LRRC7: variants seen among roughly 807,000 people sequenced by gnomAD.
The protein encoded by LRRC7 is leucine-rich repeat-containing protein 7.
In LRRC7, 23 loss-of-function variants were observed where a neutral mutation model predicts 175.7. The ratio of observed to expected loss-of-function variants is 0.13; its 90% CI spans 0.09 to 0.19. The LOEUF (loss-of-function observed/expected upper bound fraction) is 0.19. Ranked by LOEUF, LRRC7 falls within the 10% of genes least tolerant of loss-of-function variation. The probability of loss-of-function intolerance (pLI) is 1.00; values close to 1 mark genes in which losing one functional copy is unlikely to be tolerated. For synonymous variants in LRRC7, 685 were observed against 680.9 expected, an observed-to-expected ratio of 1.01 and a Z score of -0.09; for missense variants, 1,354 against 1,904.7, an observed-to-expected ratio of 0.71 and a Z score of 5.38.
chr1:70,040,767 T>C lies in LRRC7; in HGVS notation c.3969+974T>C, dbSNP rs1482114769. 5.3e-5 allele frequency among the ~76,000 whole-genome samples: 8 copies of C among 152,010 alleles called. No individual in the cohort carries two copies. In the East Asian group the frequency reaches 1.6e-3, roughly 29 times the overall value. ...AGGTGGAGGTTGCAGTGAGCTGAGA[T>C]CACACCACTGCCCTCCAGCCTGGGT... On this transcript the variant is annotated intron_variant, in intron 21 of 26. Transcript: ENST00000651989.
intron 25 of LRRC7, among the ~76,000 whole-genome samples, chr1:70,092,993 G>A (rs904185878): frequency 2.0e-5 from 3 of 152,104 alleles, no homozygotes; most frequent in Non-Finnish European, 4.4e-5. Flanking sequence ...TCAAAACAAT[G>A]TTTAGTAGTG....
chr1:69,963,971 T>C (rs1651397747), intron 8 of LRRC7, among the ~76,000 whole-genome samples: 1 of 152,194 alleles, frequency 6.6e-6, no homozygotes, highest in Admixed American at 6.5e-5. Context: ...CTATCTTTAG[T>C]ATCTGATCTC....
intron 1 of LRRC7, among the ~76,000 whole-genome samples, chr1:69,572,033 T>C (rs1645758628): frequency 6.6e-6 from 1 of 152,168 alleles, no homozygotes; most frequent in African/African-American, 2.4e-5. Context: ...ACATTCTTTT[T>C]TGGAGCCATG....
intron 2 of LRRC7, among the ~76,000 whole-genome samples, chr1:69,702,193 G>A (rs933450792): frequency 6.6e-6 from 1 of 152,116 alleles, no homozygotes; most frequent in African/African-American, 2.4e-5. Context: ...CTATCTGCTC[G>A]TGGGTCATCA....
chr1:69,568,752 C>G, intron 1 of LRRC7, 111 bp downstream of exon 1: 2 of 615,472 alleles, frequency 3.2e-6, no homozygotes, highest in South Asian at 2.8e-5. Context: ...GCGGGGGTGG[C>G]AGGGCGGGAG....
chr1:70,134,421 C>T lies in LRRC7; in HGVS notation c.*12534C>T, dbSNP rs1434199477. On this transcript the variant is annotated 3_prime_UTR_variant, in exon 27 of 27. Transcript: ENST00000651989. ...TTACTTCCTCTAAGCTAATTATATCCTCACCCTCACAGCTTAGCCAGCCTC... is the reference window on the plus strand; with the variant it reads ...TTACTTCCTCTAAGCTAATTATATCTTCACCCTCACAGCTTAGCCAGCCTC... Among the ~76,000 whole-genome samples the T allele has an allele frequency of 6.6e-6, 1 of 152,198 alleles. No homozygotes were observed. The highest frequency in any genetic ancestry group is 1.5e-5 in the Non-Finnish European group (1 of 68,038).
intron 2 of LRRC7, among the ~76,000 whole-genome samples, chr1:69,693,808 G>A (rs1662213893): frequency 6.6e-6 from 1 of 152,058 alleles, no homozygotes; most frequent in South Asian, 2.1e-4. Flanking sequence ...AGTTGCTAAG[G>A]GTTTAAATTG....
At chr1:69,986,490 A>T (rs1327888906) in intron 10 of LRRC7, 104 bp downstream of exon 10, 1 of 846,148 alleles carries the variant, frequency 1.2e-6, no homozygotes, top group Non-Finnish European at 1.6e-6. Context: ...TGTTAGTCTG[A>T]TGTTAATAAA....
chr1:69,594,512 C>G (rs948638249), intron 1 of LRRC7, among the ~76,000 whole-genome samples: 2 of 152,168 alleles, frequency 1.3e-5, no homozygotes, highest in African/African-American at 4.8e-5. Flanking sequence ...CAGCTCCTAA[C>G]CATTCTGAAA....
intron 1 of LRRC7, among the ~76,000 whole-genome samples, chr1:69,585,869 A>G (rs971434207): frequency 6.6e-6 from 1 of 152,208 alleles, no homozygotes; most frequent in Non-Finnish European, 1.5e-5. Flanking sequence ...AAGACTTTTA[A>G]TTAGCAAACT....
chr1:69,588,998 T>A (rs1557442729), intron 1 of LRRC7, among the ~76,000 whole-genome samples: 1 of 151,420 alleles, frequency 6.6e-6, no homozygotes, highest in Non-Finnish European at 1.5e-5. Flanking sequence ...TGTGTGTGTG[T>A]GTGTGTGTGT....
intron 2 of LRRC7, among the ~76,000 whole-genome samples, chr1:69,757,149 T>C (rs1387774014): frequency 6.6e-6 from 1 of 151,992 alleles, no homozygotes. Flanking sequence ...AAGATATTAA[T>C]ACTTTCTACT....
chr1:69,906,291 T>C (rs1234627497), intron 7 of LRRC7, among the ~76,000 whole-genome samples: 2 of 152,234 alleles, frequency 1.3e-5, no homozygotes, highest in Admixed American at 6.5e-5. Flanking sequence ...ATTTTGGCTT[T>C]TGTTGCCATT....
chr1:69,963,492 G>A (rs573074474), intron 8 of LRRC7, among the ~76,000 whole-genome samples: 1 of 152,234 alleles, frequency 6.6e-6, no homozygotes, highest in South Asian at 2.1e-4. Flanking sequence ...GTATGATATG[G>A]CAAAGGCCTA....
intron 7 of LRRC7, among the ~76,000 whole-genome samples, chr1:69,871,247 T>G (rs1685501376): frequency 6.6e-6 from 1 of 152,100 alleles, no homozygotes; most frequent in African/African-American, 2.4e-5. Flanking sequence ...AGCTTTCAGC[T>G]GGTGTTAAAT....
chr1:69,670,041 A>G lies in LRRC7; in HGVS notation c.3-8340A>G, dbSNP rs182136511. On this transcript the variant is annotated intron_variant, in intron 1 of 26. Transcript: ENST00000651989. ...AACAACTATTTTGAATTATCTGTCT[A>G]AAGGTCACATATCTCTGTGTCTCCA... Among the ~76,000 whole-genome samples the G allele has an allele frequency of 1.7e-3, 266 of 152,290 alleles. 1 individual carries two copies. The highest frequency in any genetic ancestry group is 6.1e-3 in the African/African-American group (254 of 41,564).
At chr1:70,010,951 G>A (rs1394497022) in intron 11 of LRRC7, among the ~76,000 whole-genome samples, 1 of 152,156 alleles carries the variant, frequency 6.6e-6, no homozygotes, top group Admixed American at 6.5e-5. Context: ...CCATTTGAAG[G>A]CAGCAGCTAT....
At chr1:69,736,118 A>C (rs916661446) in intron 2 of LRRC7, among the ~76,000 whole-genome samples, 1 of 152,096 alleles carries the variant, frequency 6.6e-6, no homozygotes, top group Non-Finnish European at 1.5e-5. Flanking sequence ...TAATGATAAC[A>C]TGTTGAAATC....
chr1:69,608,862 CTCTCTATATA>C (rs1345505123), intron 1 of LRRC7, among the ~76,000 whole-genome samples: 159 of 22,086 alleles, frequency 7.2e-3, no homozygotes, highest in East Asian at 0.01. Context: ...CTCTCTCTCT[CTCTCTATATA>C]TATATATATA....
Sources: gnomAD v4.1 joint callset for allele counts (sites outside exome capture counted in the v4.1 genomes callset) on GRCh38, gnomAD v4.1.1 for gene constraint, MANE v1.5 for transcripts, NCBI Gene and HGNC (gene_info 2026-07-23, HGNC 2026-07-21) for gene names.